The following KCNMA1 variants were observed in gnomAD, a reference collection of about 807,000 sequenced individuals.
The protein encoded by KCNMA1 is Calcium-activated potassium channel subunit alpha-1.
KCNMA1 carries 29 observed loss-of-function variants against 140.0 expected under a neutral mutation model. That is an observed-to-expected ratio of 0.21 (90% CI 0.15 to 0.28). The LOEUF is 0.28. Among genes scored for constraint, KCNMA1 ranks in the 10% least tolerant of loss-of-function variants. The pLI is 1.00. For missense variants in KCNMA1, 880 were observed against 1,602.2 expected (o/e 0.55, Z 7.70); for synonymous variants, 612 against 611.9 (o/e 1.00, Z 0.00).
chr10:77,175,861 G>A (rs899976407), intron 5 of KCNMA1, among the ~76,000 whole-genome samples: 5 of 152,156 alleles, frequency 3.3e-5, no homozygotes, highest in African/African-American at 9.7e-5. Flanking sequence ...TGTGCATATG[G>A]GGATGCCAAC....
rs559505890 is a variant in KCNMA1 at position 77,266,649 on chromosome 10, A to C, written c.541-15393T>G. 2.0e-5 allele frequency among the ~76,000 whole-genome samples: 3 copies of C among 152,286 alleles called. No homozygotes were observed. In the South Asian group the frequency reaches 6.2e-4, roughly 32 times the overall value. ...TTCAGGCACAGAAAGATCAACTCTT[A>C]GGCTTCCCTAATTACCCTGAATCTG... On this transcript the variant is annotated intron_variant, in intron 2 of 27. Transcript: ENST00000286628.
At chr10:77,013,002 T>A (rs766773050) in intron 17 of KCNMA1, among the ~76,000 whole-genome samples, 1 of 152,178 alleles carries the variant, frequency 6.6e-6, no homozygotes, top group Non-Finnish European at 1.5e-5. Flanking sequence ...CCCTACAACC[T>A]TCTGGATCCA....
At chr10:77,460,646 A>C (rs139995974) in intron 1 of KCNMA1, among the ~76,000 whole-genome samples, 32 of 152,322 alleles carry the variant, frequency 2.1e-4, no homozygotes, top group Non-Finnish European at 3.4e-4. Flanking sequence ...CGTTATCCTA[A>C]GTGAACTAAC....
At chr10:76,871,272 G>A (rs1040172652) in exon 28 of KCNMA1, 2 of 152,734 alleles carry the variant, frequency 1.3e-5, no homozygotes, top group Non-Finnish European at 2.9e-5. Context: ...TGAACCCAAT[G>A]TAACATTTCT....
In KCNMA1 at chr10:77,376,178, G is replaced by C. The variant is rs539836766; in HGVS notation, c.540+27684C>G. ...ATACAGGTAAGTAAAACAGTATACTGTGGTGCTATGACCACCCAGGGGGCT... is the reference window on the plus strand; with the variant it reads ...ATACAGGTAAGTAAAACAGTATACTCTGGTGCTATGACCACCCAGGGGGCT... On this transcript the variant is annotated intron_variant, in intron 2 of 27. Coordinates refer to ENST00000286628, the MANE Select transcript of KCNMA1 (RefSeq NM_001161352.2). Among the ~76,000 whole-genome samples the C allele has an allele frequency of 5.3e-5, 8 of 152,296 alleles. No individual in the cohort carries two copies. The South Asian group carries it at 1.7e-3, about 32-fold the overall frequency.
chr10:77,508,941 T>C (rs2047283087), intron 1 of KCNMA1, among the ~76,000 whole-genome samples: 1 of 152,252 alleles, frequency 6.6e-6, no homozygotes, highest in South Asian at 2.1e-4. Flanking sequence ...CCACTTAGCA[T>C]AATGTCCTCA....
At chr10:77,433,971 A>T (rs1401271386) in intron 1 of KCNMA1, among the ~76,000 whole-genome samples, 1 of 152,230 alleles carries the variant, frequency 6.6e-6, no homozygotes, top group Non-Finnish European at 1.5e-5. Flanking sequence ...ATCAAGCCAC[A>T]GCCAAATACA....
At chr10:76,889,257 C>T (rs2038834106) in intron 27 of KCNMA1, among the ~76,000 whole-genome samples, 194 bp downstream of exon 27, 1 of 152,136 alleles carries the variant, frequency 6.6e-6, no homozygotes, top group African/African-American at 2.4e-5. Flanking sequence ...ACCAAAATGT[C>T]TTTACATCTA....
intron 1 of KCNMA1, among the ~76,000 whole-genome samples, chr10:77,591,693 C>A (rs1225756756): frequency 6.6e-6 from 1 of 152,216 alleles, no homozygotes; most frequent in Non-Finnish European, 1.5e-5. Flanking sequence ...TACATGCAAT[C>A]CCTGTGCTCC....
chr10:77,035,183 G>A (rs2094233695), intron 15 of KCNMA1, among the ~76,000 whole-genome samples: 1 of 152,228 alleles, frequency 6.6e-6, no homozygotes, highest in South Asian at 2.1e-4. Flanking sequence ...AGACCTAGGT[G>A]TTGAGAGAGC....
intron 2 of KCNMA1, among the ~76,000 whole-genome samples, chr10:77,361,584 A>G (rs2093950519): frequency 2.0e-5 from 3 of 152,226 alleles, no homozygotes; most frequent in Non-Finnish European, 4.4e-5. Context: ...AGGTGCACGA[A>G]AGGAGTTTCC....
chr10:77,502,921 T>C (rs1361242956), intron 1 of KCNMA1, among the ~76,000 whole-genome samples: 4 of 152,240 alleles, frequency 2.6e-5, no homozygotes, highest in Non-Finnish European at 5.9e-5. Context: ...CATTAGTGTA[T>C]AATCCATACT....
At chr10:77,514,536 C>T (rs2049628653) in intron 1 of KCNMA1, among the ~76,000 whole-genome samples, 1 of 152,196 alleles carries the variant, frequency 6.6e-6, no homozygotes, top group African/African-American at 2.4e-5. Flanking sequence ...TGACAACTCC[C>T]AGCTGGCCCC....
intron 2 of KCNMA1, among the ~76,000 whole-genome samples, chr10:77,398,081 T>TGTGTGTGTA (rs1491447421): frequency 5.4e-4 from 81 of 149,222 alleles, no homozygotes; most frequent in African/African-American, 1.9e-3. Context: ...TGTGTGTGTA[T>TGTGTGTGTA]TTTTTTTTTC....
Position 77,636,397 on chromosome 10 carries a change from C to T in KCNMA1, c.378+868G>A, listed in dbSNP as rs879255370. ...CTGCACCAGGAATAGCTAAAGCCGACGACATCTAGCCACCTCGAGCGCCAG... is the reference window on the plus strand; with the variant it reads ...CTGCACCAGGAATAGCTAAAGCCGATGACATCTAGCCACCTCGAGCGCCAG... On this transcript the variant is annotated intron_variant, in intron 1 of 27. Coordinates refer to ENST00000286628, the MANE Select transcript of KCNMA1 (RefSeq NM_001161352.2). 4 of 1,535,806 alleles carry T rather than the reference C, an allele frequency of 2.6e-6. No homozygotes were observed. The African/African-American group carries it at 4.1e-5, about 16-fold the overall frequency.
At chr10:77,341,160 T>C (rs2154375817) in intron 2 of KCNMA1, among the ~76,000 whole-genome samples, 1 of 152,342 alleles carries the variant, frequency 6.6e-6, no homozygotes, top group East Asian at 1.9e-4. Flanking sequence ...TGTCCGTTGT[T>C]TTCACTGTAG....
At chr10:77,352,646 GTGTT>G (rs879815189) in intron 2 of KCNMA1, among the ~76,000 whole-genome samples, 2,179 of 151,104 alleles carry the variant, frequency 0.014, 17 homozygotes, top group Admixed American at 0.021. Flanking sequence ...GTGTGTGTGT[GTGTT>G]TGTGTGTGTG....
At chr10:77,127,177 A>G (rs570919223) in intron 5 of KCNMA1, among the ~76,000 whole-genome samples, 1 of 151,862 alleles carries the variant, frequency 6.6e-6, no homozygotes, top group Admixed American at 6.6e-5. Context: ...GATGTTGACA[A>G]TGACATTAAT....
At chr10:77,420,032 G>A (rs2096834125) in intron 1 of KCNMA1, among the ~76,000 whole-genome samples, 2 of 152,260 alleles carry the variant, frequency 1.3e-5, no homozygotes, top group East Asian at 3.8e-4. Flanking sequence ...AGAGGGGAAT[G>A]TGATTCATGA....
Sources: gnomAD v4.1 joint callset for allele counts (sites outside exome capture counted in the v4.1 genomes callset) on GRCh38, gnomAD v4.1.1 for gene constraint, MANE v1.5 for transcripts, NCBI Gene and HGNC (gene_info 2026-07-23, HGNC 2026-07-21) for gene names.